Variants in ATF2 observed in about 807,000 individuals in gnomAD.
ATF2 encodes the protein activating transcription factor 2.
In ATF2, 24 loss-of-function variants were observed where a neutral mutation model predicts 60.6. That is an observed-to-expected ratio of 0.40 (90% confidence interval 0.29 to 0.56). The LOEUF (loss-of-function observed/expected upper bound fraction) is 0.56, where lower values mean the gene tolerates loss of function less well. Ranked by LOEUF, ATF2 falls within the 20% of genes least tolerant of loss-of-function variation. The pLI is 0.54. For synonymous variants in ATF2, 206 were observed against 215.4 expected, an observed-to-expected ratio of 0.96 and a Z score of 0.38; for missense variants, 433 against 607.7, an observed-to-expected ratio of 0.71 and a Z score of 3.02.
chr2:175,110,938 C>G (rs956288558), intron 10 of ATF2, among the ~76,000 whole-genome samples: 2 of 152,082 alleles, frequency 1.3e-5, no homozygotes, highest in Non-Finnish European at 2.9e-5. Context: ...ATCGTCAGAT[C>G]TTCTACTAAG....
At chr2:175,109,484 TTTTAA>T (rs1327448534) in intron 10 of ATF2, among the ~76,000 whole-genome samples, 6 of 152,238 alleles carry the variant, frequency 3.9e-5, no homozygotes, top group African/African-American at 7.2e-5. Context: ...CTTTTATTCT[TTTTAA>T]TTTAATTTCC....
intron 2 of ATF2, among the ~76,000 whole-genome samples, chr2:175,144,966 A>G (rs968110425): frequency 6.6e-6 from 1 of 152,230 alleles, no homozygotes; most frequent in Admixed American, 6.5e-5. Flanking sequence ...TAAACATATC[A>G]AGGATGTGCT....
intron 10 of ATF2, among the ~76,000 whole-genome samples, chr2:175,108,134 C>T (rs531366711): frequency 1.6e-3 from 245 of 152,030 alleles, no homozygotes; most frequent in African/African-American, 5.8e-3. Context: ...GCGTCTCTGC[C>T]CAGCCGCCCA....
intron 2 of ATF2, among the ~76,000 whole-genome samples, chr2:175,149,858 C>A (rs1369760665): frequency 6.6e-6 from 1 of 152,132 alleles, no homozygotes; most frequent in East Asian, 1.9e-4. Context: ...TTAGTCAACA[C>A]CACTAACTTC....
At chr2:175,086,585 T>C (rs1218836233) in intron 12 of ATF2, among the ~76,000 whole-genome samples, 2 of 152,134 alleles carry the variant, frequency 1.3e-5, no homozygotes, top group African/African-American at 4.8e-5. Flanking sequence ...CATTTATTTA[T>C]TTTAGTAGAG....
At chr2:175,088,709 T>G (rs1239985804) in intron 12 of ATF2, among the ~76,000 whole-genome samples, 1 of 152,126 alleles carries the variant, frequency 6.6e-6, no homozygotes, top group Non-Finnish European at 1.5e-5. Flanking sequence ...GAGTAACTGT[T>G]AAGCAGCTAC....
intron 13 of ATF2, 85 bp downstream of exon 13, chr2:175,080,575 T>TCC: frequency 1.0e-6 from 1 of 986,008 alleles, no homozygotes; most frequent in Non-Finnish European, 1.5e-6. Flanking sequence ...AAGCACAGTC[T>TCC]CCATTTTTAA....
chr2:175,115,989 C>A (rs1574408581), intron 7 of ATF2, among the ~76,000 whole-genome samples: 1 of 151,988 alleles, frequency 6.6e-6, no homozygotes, highest in East Asian at 1.9e-4. Context: ...TATGTCATGT[C>A]CTGAGGTAGG....
intron 12 of ATF2, among the ~76,000 whole-genome samples, chr2:175,084,188 GCA>G (rs763678711): frequency 6.6e-6 from 1 of 152,024 alleles, no homozygotes; most frequent in Non-Finnish European, 1.5e-5. Flanking sequence ...AAAGACACAT[GCA>G]CATGTATGTT....
At chr2:175,164,801 T>C (rs967134917) in intron 1 of ATF2, among the ~76,000 whole-genome samples, 2 of 152,230 alleles carry the variant, frequency 1.3e-5, no homozygotes, top group Non-Finnish European at 2.9e-5. Flanking sequence ...GAGTATGAGA[T>C]AAACACAGAA....
At chr2:175,098,706 G>C (rs1466963821) in intron 10 of ATF2, among the ~76,000 whole-genome samples, 1 of 152,144 alleles carries the variant, frequency 6.6e-6, no homozygotes, top group Non-Finnish European at 1.5e-5. Context: ...GCAGAAAGGG[G>C]TGAGTGAGAG....
At chr2:175,165,275 A>C (rs1249441747) in intron 1 of ATF2, among the ~76,000 whole-genome samples, 1 of 152,206 alleles carries the variant, frequency 6.6e-6, no homozygotes, top group Admixed American at 6.5e-5. Flanking sequence ...GGTTTTCATA[A>C]GGGAGACTTC....
At chr2:175,082,810 CT>C (rs535478827) in intron 12 of ATF2, among the ~76,000 whole-genome samples, 167 of 152,316 alleles carry the variant, frequency 1.1e-3, no homozygotes, top group Non-Finnish European at 1.8e-3. Flanking sequence ...ATACCGTTGT[CT>C]TTATCCCCTC....
chr2:175,151,825 C>A (rs1699334420), intron 1 of ATF2, among the ~76,000 whole-genome samples: 1 of 152,130 alleles, frequency 6.6e-6, no homozygotes, highest in South Asian at 2.1e-4. Context: ...GTCTGCCATC[C>A]TCAACATGTG....
intron 2 of ATF2, among the ~76,000 whole-genome samples, chr2:175,140,804 A>G (rs1336287780): frequency 1.4e-5 from 2 of 147,590 alleles, no homozygotes; most frequent in Non-Finnish European, 3.0e-5. Context: ...TGGGGAACAT[A>G]AGGTTCTGTC....
intron 10 of ATF2, among the ~76,000 whole-genome samples, chr2:175,107,923 C>A (rs191147396): frequency 5.3e-4 from 80 of 152,314 alleles, no homozygotes; most frequent in African/African-American, 1.8e-3. Context: ...GCTACAACCT[C>A]CACCTCCCAG....
intron 12 of ATF2, among the ~76,000 whole-genome samples, chr2:175,082,931 A>T (rs1280249162): frequency 6.6e-6 from 1 of 152,076 alleles, no homozygotes; most frequent in Non-Finnish European, 1.5e-5. Flanking sequence ...TAAGAATCCA[A>T]CTTACAAGGG....
Position 175,166,061 on chromosome 2 carries a change from C to T in ATF2, c.-143+1989G>A, listed in dbSNP as rs532432864. On this transcript the variant is annotated intron_variant, in intron 1 of 13. Coordinates refer to ENST00000264110, the MANE Select transcript of ATF2 (RefSeq NM_001880.4). ...ATTTAACTAATAAAAATACAGTGCCCCAAATACGAAATAAACATTCGGATA... is the reference window on the plus strand; with the variant it reads ...ATTTAACTAATAAAAATACAGTGCCTCAAATACGAAATAAACATTCGGATA... Among the ~76,000 whole-genome samples the T allele has an allele frequency of 2.6e-5, 4 of 152,086 alleles. No individual in the cohort carries two copies. The South Asian group carries it at 8.3e-4, about 32-fold the overall frequency.
chr2:175,120,935 C>A (rs1696915937), intron 5 of ATF2, among the ~76,000 whole-genome samples: 1 of 151,270 alleles, frequency 6.6e-6, no homozygotes, highest in African/African-American at 2.4e-5. Context: ...TGTCAACACA[C>A]AAAAACTGCA....
Sources: gnomAD v4.1 joint callset for allele counts (sites outside exome capture counted in the v4.1 genomes callset) on GRCh38, gnomAD v4.1.1 for gene constraint, MANE v1.5 for transcripts, NCBI Gene and HGNC (gene_info 2026-07-23, HGNC 2026-07-21) for gene names.